COL6A5: variants seen among roughly 807,000 people sequenced by gnomAD.
The protein encoded by COL6A5 is collagen type VI alpha 5 chain.
COL6A5 carries 48 observed loss-of-function variants against 65.6 expected under a neutral mutation model. The ratio of observed to expected loss-of-function variants is 0.73; its 90% CI spans 0.58 to 0.93. COL6A5 has a LOEUF of 0.93. Ranked by LOEUF, COL6A5 falls within the 40% of genes least tolerant of loss-of-function variation. The pLI, the probability that COL6A5 is intolerant of heterozygous loss-of-function variation, is 0.00. For missense variants in COL6A5, 914 were observed against 928.3 expected, an observed-to-expected ratio of 0.98 and a Z score of 0.20; for synonymous variants, 291 against 322.8, an observed-to-expected ratio of 0.90 and a Z score of 1.05.
exon 26 of COL6A5, chr3:130,421,200 A>G (rs748112102): frequency 6.4e-7 from 1 of 1,550,688 alleles, no homozygotes; most frequent in South Asian, 1.2e-5. Context: ...GAAAAGGAGT[A>G]AAGGTAAATA....
exon 8 of COL6A5, chr3:130,484,387 T>C (rs1306949100): frequency 2.5e-6 from 1 of 407,022 alleles, no homozygotes; most frequent in African/African-American, 2.1e-5. Context: ...TAAAAGATTG[T>C]CATTATTTTC....
intron 27 of COL6A5, among the ~76,000 whole-genome samples, chr3:130,421,928 C>T (rs763444248): frequency 5.3e-5 from 8 of 151,984 alleles, no homozygotes; most frequent in Non-Finnish European, 8.8e-5. Flanking sequence ...TCATCTCAAC[C>T]CAAGTAGCTT....
exon 3 of COL6A5, chr3:130,440,772 C>T: frequency 1.9e-6 from 3 of 1,613,120 alleles, no homozygotes; most frequent in Non-Finnish European, 1.7e-6. Context: ...ATACATAAAC[C>T]AGATCTGAAT....
chr3:130,443,598 A>G, intron 4 of COL6A5, 32 bp downstream of exon 36: 2 of 1,410,454 alleles, frequency 1.4e-6, no homozygotes, highest in Non-Finnish European at 2.0e-6. Flanking sequence ...TTTACAAGTG[A>G]CTGCTAATTG....
intron 1 of COL6A5, among the ~76,000 whole-genome samples, chr3:130,355,537 TAGAG>T (rs897656921): frequency 6.6e-6 from 1 of 151,900 alleles, no homozygotes; most frequent in African/African-American, 2.4e-5. Flanking sequence ...AAGTGAAAAT[TAGAG>T]AGAGATATAT....
exon 11 of COL6A5, chr3:130,401,041 T>C: frequency 6.5e-7 from 1 of 1,544,882 alleles, no homozygotes; most frequent in Non-Finnish European, 8.7e-7. Context: ...GACTTGATGC[T>C]CTGCTGGTAG....
exon 3 of COL6A5, chr3:130,376,791 G>C (rs1237199494): frequency 6.2e-7 from 1 of 1,613,420 alleles, no homozygotes; most frequent in African/African-American, 1.3e-5. Context: ...GATCATCAAG[G>C]ATGTAACCAA....
intron 7 of COL6A5, among the ~76,000 whole-genome samples, chr3:130,483,055 G>A (rs941474814): frequency 2.0e-5 from 3 of 152,174 alleles, no homozygotes; most frequent in Admixed American, 6.6e-5. Context: ...AGCCAGAAGA[G>A]AGTGGGGGCC....
chr3:130,471,328 A>C (rs924385825), intron 7 of COL6A5, among the ~76,000 whole-genome samples: 1 of 152,108 alleles, frequency 6.6e-6, no homozygotes, highest in Admixed American at 6.6e-5. Context: ...GCAGAATAAA[A>C]ACATAAAAAA....
exon 24 of COL6A5, chr3:130,416,813 G>GA (rs1475526708): frequency 1.3e-6 from 2 of 1,490,662 alleles, no homozygotes; most frequent in Non-Finnish European, 1.8e-6. Context: ...GACTTTTGGG[G>GA]AAAAAAGTAG....
intron 29 of COL6A5, among the ~76,000 whole-genome samples, chr3:130,425,140 C>T (rs1937579916): frequency 6.6e-6 from 1 of 152,100 alleles, no homozygotes; most frequent in Non-Finnish European, 1.5e-5. Flanking sequence ...GGAAGAATGA[C>T]ACTACATGTT....
chr3:130,431,565 CA>C lies in COL6A5; in HGVS notation c.104del (p.Ile36LeufsTer49). The C allele has an allele frequency of 6.4e-7, 1 of 1,551,614 alleles. No individual in the cohort carries two copies. The highest frequency in any genetic ancestry group is 1.4e-5 in the African/African-American group (1 of 73,156). On this transcript the variant is annotated frameshift_variant, in exon 1 of 8. Coordinates refer to ENST00000512836, the Ensembl canonical transcript of COL6A5. LOFTEE classifies it high-confidence loss of function. ...ATAAAACACGGGACATCATCACTTCCATTGTCAATGACCTTAACATCAGGGA... is the reference window on the plus strand; with the variant it reads ...ATAAAACACGGGACATCATCACTTCCTTGTCAATGACCTTAACATCAGGGA...
At chr3:130,445,559 C>T (rs1272417722) in intron 4 of COL6A5, among the ~76,000 whole-genome samples, 1 of 152,128 alleles carries the variant, frequency 6.6e-6, no homozygotes, top group African/African-American at 2.4e-5. Flanking sequence ...GTGGGAACAA[C>T]AGACAGAATA....
At chr3:130,471,993 G>A in intron 7 of COL6A5, 67 bp downstream of exon 40, 3 of 1,409,526 alleles carry the variant, frequency 2.1e-6, no homozygotes, top group Non-Finnish European at 2.9e-6. Flanking sequence ...CCTGGTGGAA[G>A]ATGAGCAGTT....
At chr3:130,351,371 C>T (rs372881904) in intron 1 of COL6A5, among the ~76,000 whole-genome samples, 3 of 152,266 alleles carry the variant, frequency 2.0e-5, no homozygotes, top group East Asian at 3.9e-4. Context: ...CCAGAGTGAA[C>T]AGGCAACCTA....
rs11925013 is a variant in COL6A5 at position 130,391,414 on chromosome 3, C to G, written c.2652C>G (p.Arg884=). 3,444 of 1,551,678 alleles carry G rather than the reference C, an allele frequency of 2.2e-3. 75 individuals are homozygous for G. The African/African-American group carries it at 0.04, about 18-fold the overall frequency. The change falls in exon 7 of 42, where the codon CGC becomes CGG. Residue 884 remains arginine (R), a synonymous_variant and NMD_transcript_variant. Transcript: ENST00000312481. ...CAATAATTGAGAATCTGCGGAAGCG[C>G]AGGGACACTGGAGGGAACACCTACA...
intron 25 of COL6A5, among the ~76,000 whole-genome samples, chr3:130,419,835 G>A (rs1010945424): frequency 6.6e-6 from 1 of 152,098 alleles, no homozygotes; most frequent in Non-Finnish European, 1.5e-5. Context: ...GAGATCTATT[G>A]TATATCATGG....
intron 1 of COL6A5, among the ~76,000 whole-genome samples, chr3:130,373,041 G>A (rs1451731205): frequency 6.6e-6 from 1 of 152,180 alleles, no homozygotes; most frequent in African/African-American, 2.4e-5. Flanking sequence ...TTGTGAAATT[G>A]AGCATAACTG....
At chr3:130,474,914 G>A (rs1199657787) in intron 7 of COL6A5, among the ~76,000 whole-genome samples, 1 of 144,220 alleles carries the variant, frequency 6.9e-6, no homozygotes, top group East Asian at 2.2e-4. Flanking sequence ...GACTGAGGTG[G>A]AATAATTGCT....
Sources: gnomAD v4.1 joint callset for allele counts (sites outside exome capture counted in the v4.1 genomes callset) on GRCh38, gnomAD v4.1.1 for gene constraint, MANE v1.5 for transcripts, NCBI Gene and HGNC (gene_info 2026-07-23, HGNC 2026-07-21) for gene names.